Variants in RAB30 observed in about 807,000 individuals in gnomAD.
The protein encoded by RAB30 is ras-related protein Rab-30.
A neutral mutation model predicts 25.1 loss-of-function variants in RAB30; 9 were observed. The observed-to-expected ratio is 0.36, with a 90% CI of 0.22 to 0.63. The LOEUF (loss-of-function observed/expected upper bound fraction) is 0.63, where lower values mean the gene tolerates loss of function less well. RAB30 is among the 20% of genes least tolerant of loss of function. RAB30 has a pLI of 0.69. For synonymous variants in RAB30, 77 were observed against 86.4 expected (o/e 0.89, Z 0.60); for missense variants, 140 against 243.5 (o/e 0.58, Z 2.83).
intron 1 of RAB30, among the ~76,000 whole-genome samples, chr11:83,008,046 G>A (rs1055149097): frequency 6.6e-5 from 10 of 152,198 alleles, no homozygotes; most frequent in Admixed American, 2.6e-4. Context: ...ATCAGGGACC[G>A]TGTCTAATCT....
At chr11:83,057,053 C>G (rs1485023849) in intron 1 of RAB30, among the ~76,000 whole-genome samples, 1 of 151,674 alleles carries the variant, frequency 6.6e-6, no homozygotes, top group Non-Finnish European at 1.5e-5. Context: ...AATTTGGAAT[C>G]TTGAGTTATA....
chr11:83,008,839 T>C (rs1343792423), intron 1 of RAB30, among the ~76,000 whole-genome samples: 1 of 152,050 alleles, frequency 6.6e-6, no homozygotes, highest in African/African-American at 2.4e-5. Flanking sequence ...CTAACCAGGC[T>C]CCCTGCAGCC....
chr11:83,071,887 C>G lies in RAB30; in HGVS notation c.-205G>C, dbSNP rs1318620318. 1 of 388,190 alleles carries G rather than the reference C, an allele frequency of 2.6e-6. No individual in the cohort carries two copies. Among genetic ancestry groups the G allele is most frequent in the African/African-American group, 2.1e-5 (1 of 48,416 alleles). 24.0% of individuals were successfully genotyped at this position (388,190 alleles called of 1,614,324 possible). On this transcript the variant is annotated 5_prime_UTR_variant, in exon 1 of 5. Coordinates refer to ENST00000527633, the MANE Select transcript of RAB30 (RefSeq NM_001286060.2). ...CAGCAGCAGCAGGGGGTGGAGAGAC[C>G]GTAGCACAATGAATGCAGTGGGGCT... is the stretch of plus-strand genomic sequence containing the variant.
chr11:83,019,203 T>G (rs1322171700), intron 1 of RAB30, among the ~76,000 whole-genome samples: 2 of 152,148 alleles, frequency 1.3e-5, no homozygotes, highest in Non-Finnish European at 2.9e-5. Context: ...TTTTTGTATT[T>G]TTAGTAGAGA....
chr11:83,007,653 G>A (rs1174293814), intron 1 of RAB30, among the ~76,000 whole-genome samples: 1 of 152,166 alleles, frequency 6.6e-6, no homozygotes, highest in Non-Finnish European at 1.5e-5. Flanking sequence ...ACATATAGGT[G>A]AGAAGAGAAG....
intron 1 of RAB30, among the ~76,000 whole-genome samples, chr11:83,068,111 G>A (rs1212895426): frequency 3.6e-5 from 5 of 137,556 alleles, no homozygotes; most frequent in African/African-American, 8.3e-5. Context: ...GCGACAGAGT[G>A]AGACTCTGTC....
chr11:83,032,925 C>T (rs1857903595), intron 1 of RAB30, among the ~76,000 whole-genome samples: 1 of 151,996 alleles, frequency 6.6e-6, no homozygotes, highest in Admixed American at 6.6e-5. Flanking sequence ...TCCATTTTTT[C>T]TAAGTTACCT....
intron 2 of RAB30, among the ~76,000 whole-genome samples, chr11:82,995,300 T>C (rs989121110): frequency 2.6e-5 from 4 of 152,270 alleles, no homozygotes; most frequent in Non-Finnish European, 4.4e-5. Context: ...TTGCAAAAGA[T>C]GTAAATATAA....
At chr11:83,020,949 C>T (rs904599302) in intron 1 of RAB30, among the ~76,000 whole-genome samples, 2 of 152,062 alleles carry the variant, frequency 1.3e-5, no homozygotes, top group Non-Finnish European at 2.9e-5. Flanking sequence ...GACAGGATGA[C>T]CAGCTGCAGA....
chr11:83,049,137 T>A (rs1858297179), intron 1 of RAB30, among the ~76,000 whole-genome samples: 1 of 152,072 alleles, frequency 6.6e-6, no homozygotes, highest in Admixed American at 6.5e-5. Context: ...AGATGCTGGG[T>A]GTGGTGGCTC....
chr11:83,025,483 T>C (rs776472278), intron 1 of RAB30, among the ~76,000 whole-genome samples: 1 of 152,230 alleles, frequency 6.6e-6, no homozygotes, highest in Non-Finnish European at 1.5e-5. Flanking sequence ...CTCCTTTATA[T>C]TTACCAAACA....
intron 4 of RAB30, among the ~76,000 whole-genome samples, chr11:82,985,586 G>GT (rs1856724853): frequency 1.3e-5 from 2 of 151,826 alleles, no homozygotes; most frequent in African/African-American, 4.8e-5. Context: ...ATTTAGACTT[G>GT]TAAAGCCTAT....
intron 1 of RAB30, among the ~76,000 whole-genome samples, chr11:83,064,865 T>G (rs1196814098): frequency 6.6e-6 from 1 of 152,138 alleles, no homozygotes; most frequent in Non-Finnish European, 1.5e-5. Flanking sequence ...TCCCCGATTA[T>G]CCTGAAAATG....
chr11:83,024,842 C>T (rs966837601), intron 1 of RAB30, among the ~76,000 whole-genome samples: 1 of 152,296 alleles, frequency 6.6e-6, no homozygotes, highest in East Asian at 1.9e-4. Context: ...AAGTAAAGAA[C>T]CCTACTTAAC....
intron 1 of RAB30, among the ~76,000 whole-genome samples, chr11:83,049,646 T>A (rs1057334296): frequency 6.6e-6 from 1 of 151,684 alleles, no homozygotes; most frequent in Non-Finnish European, 1.5e-5. Flanking sequence ...CATGCCTGGT[T>A]AATTTTTTTT....
intron 1 of RAB30, among the ~76,000 whole-genome samples, chr11:83,018,615 G>GTGAGTAT (rs767621943): frequency 2.4e-4 from 36 of 152,192 alleles, no homozygotes; most frequent in Non-Finnish European, 4.0e-4. Context: ...TGCATAGTTT[G>GTGAGTAT]TGAGTATTTT....
At chr11:83,064,879 T>A (rs1858660303) in intron 1 of RAB30, among the ~76,000 whole-genome samples, 1 of 152,162 alleles carries the variant, frequency 6.6e-6, no homozygotes, top group Admixed American at 6.5e-5. Flanking sequence ...GAAAATGTCT[T>A]TTGTAGCTTT....
chr11:82,997,136 C>A (rs991412404), intron 2 of RAB30, 88 bp downstream of exon 2: 19 of 1,069,470 alleles, frequency 1.8e-5, no homozygotes, highest in Non-Finnish European at 2.6e-5. Context: ...TGAAACTGGT[C>A]ATCCATCTCG....
intron 1 of RAB30, among the ~76,000 whole-genome samples, chr11:83,048,171 C>T (rs1044167572): frequency 7.2e-5 from 11 of 152,054 alleles, no homozygotes; most frequent in African/African-American, 2.4e-4. Context: ...CCCCAGGCAC[C>T]CTGCTCTAGA....
Sources: allele counts gnomAD v4.1 joint callset (sites outside exome capture counted in the v4.1 genomes callset), GRCh38; gene constraint gnomAD v4.1.1; transcripts MANE v1.5; gene names NCBI Gene and HGNC (gene_info 2026-07-23, HGNC 2026-07-21).